The following MGMT variants were observed in gnomAD, a reference collection of about 807,000 sequenced individuals.
The protein encoded by MGMT is methylated-DNA--protein-cysteine methyltransferase.
Under a neutral mutation model 15.9 loss-of-function variants are expected in MGMT, and 14 were observed. The ratio of observed to expected loss-of-function variants is 0.88; its 90% CI spans 0.58 to 1.37. The LOEUF (loss-of-function observed/expected upper bound fraction) is 1.37. MGMT is among the 40% of genes most tolerant of loss of function. The pLI, the probability that MGMT is intolerant of heterozygous loss-of-function variation, is 0.00. For missense variants in MGMT, 282 were observed against 268.1 expected (o/e 1.05, Z -0.36); for synonymous variants, 130 against 118.2 (o/e 1.10, Z -0.65).
intron 3 of MGMT, among the ~76,000 whole-genome samples, chr10:129,709,768 C>T (rs1461596542): frequency 1.3e-5 from 2 of 152,164 alleles, no homozygotes; most frequent in Non-Finnish European, 2.9e-5. Flanking sequence ...CATATGGTGG[C>T]CCTGGCCATG....
intron 3 of MGMT, among the ~76,000 whole-genome samples, chr10:129,732,975 G>T (rs1848519258): frequency 6.6e-6 from 1 of 151,244 alleles, no homozygotes; most frequent in Admixed American, 6.6e-5. Flanking sequence ...CATTTGGGTT[G>T]GTTCCAAGTC....
intron 2 of MGMT, among the ~76,000 whole-genome samples, chr10:129,567,017 C>T (rs1004343109): frequency 1.3e-5 from 2 of 152,088 alleles, no homozygotes; most frequent in Admixed American, 6.6e-5. Context: ...CCGGAGTGTG[C>T]GTCTTGATGC....
At chr10:129,576,530 G>A (rs1483404929) in intron 2 of MGMT, among the ~76,000 whole-genome samples, 1 of 152,122 alleles carries the variant, frequency 6.6e-6, no homozygotes, top group Non-Finnish European at 1.5e-5. Context: ...TTGATGGGAC[G>A]TATCTCAAAA....
In MGMT at chr10:129,566,397, G is replaced by GTGGC. The variant is rs1181455433; in HGVS notation, c.125+30021_125+30024dup. ...TCCAAACCAAGCTGCCTTCTCTGAT[G>GTGGC]TGGCCTTAGTGCTCTGGGCGGATGT... On this transcript the variant is annotated intron_variant, in intron 2 of 4. Transcript: ENST00000651593. This position sits in a 1 kb window ranked among gnomAD's most constrained non-coding sequence, Gnocchi z 4.1. Among the ~76,000 whole-genome samples, 2 of 152,186 alleles carry GTGGC rather than the reference G, an allele frequency of 1.3e-5. No homozygotes were observed. The highest frequency in any genetic ancestry group is 2.9e-5 in the Non-Finnish European group (2 of 68,022).
chr10:129,478,657 T>C (rs933577511), intron 1 of MGMT, among the ~76,000 whole-genome samples: 2 of 152,236 alleles, frequency 1.3e-5, no homozygotes, highest in Non-Finnish European at 1.5e-5. Context: ...ATTCCTAAGC[T>C]CTGGCTATGC....
At chr10:129,747,478 T>C (rs1362439608) in intron 3 of MGMT, among the ~76,000 whole-genome samples, 1 of 152,200 alleles carries the variant, frequency 6.6e-6, no homozygotes, top group Non-Finnish European at 1.5e-5. Flanking sequence ...ATGATAGCTA[T>C]TGTTCGTTTT....
intron 2 of MGMT, among the ~76,000 whole-genome samples, chr10:129,627,032 C>T (rs1043270312): frequency 2.0e-5 from 3 of 152,162 alleles, no homozygotes; most frequent in Non-Finnish European, 2.9e-5. Flanking sequence ...GTGTCCCTCA[C>T]GCTGGCTTTC....
intron 2 of MGMT, among the ~76,000 whole-genome samples, chr10:129,681,503 T>A (rs918042893): frequency 1.3e-5 from 2 of 152,176 alleles, no homozygotes; most frequent in Non-Finnish European, 2.9e-5. Context: ...TCAATATTTT[T>A]AAAAAATTCT....
Position 129,619,059 on chromosome 10 carries a change from T to G in MGMT, c.125+82682T>G, listed in dbSNP as rs1847060991. Among the ~76,000 whole-genome samples, 4 of 152,332 alleles carry G rather than the reference T, an allele frequency of 2.6e-5. No homozygotes were observed. The South Asian group carries it at 8.3e-4, about 32-fold the overall frequency. ...TGGGGAAGTAAACATCCTCTGTTCC[T>G]AATCTTAGGGGTGAAGCACTCAGTA... On this transcript the variant is annotated intron_variant, in intron 2 of 4. Coordinates refer to ENST00000651593, the MANE Select transcript of MGMT (RefSeq NM_002412.5).
chr10:129,622,626 G>A (rs1307896331), intron 2 of MGMT, among the ~76,000 whole-genome samples: 2 of 152,188 alleles, frequency 1.3e-5, no homozygotes. Context: ...TTTATCTTTA[G>A]TGTCCAATAA....
chr10:129,759,931 C>T (rs975544107), intron 4 of MGMT, among the ~76,000 whole-genome samples: 3 of 152,188 alleles, frequency 2.0e-5, no homozygotes, highest in Non-Finnish European at 1.5e-5. Context: ...ACACGCACCT[C>T]GTGTCTCACC....
At chr10:129,635,248 G>A (rs1847252251) in intron 2 of MGMT, among the ~76,000 whole-genome samples, 1 of 152,186 alleles carries the variant, frequency 6.6e-6, no homozygotes, top group Non-Finnish European at 1.5e-5. Context: ...GAATATGTGA[G>A]GGTGACCTGT....
chr10:129,651,072 G>C (rs570293971), intron 2 of MGMT, among the ~76,000 whole-genome samples: 1 of 152,134 alleles, frequency 6.6e-6, no homozygotes, highest in Admixed American at 6.5e-5. Flanking sequence ...GCTGTACCCC[G>C]TACCTCTGTA....
In MGMT at chr10:129,536,331, G is replaced by A; in HGVS notation, c.79G>A (p.Gly27Ser). The stretch of plus-strand genomic sequence containing the variant: ...GCTGGAGCTGTCTGGTTGTGAGCAG[G>A]GTCTGCACGAAATAAAGCTCCTGGG... Reference protein sequence around the residue: ...GKLELSGCEQGLHEIKLLGKG... With the variant: ...GKLELSGCEQSLHEIKLLGKG... The change falls in exon 2 of 5, where the codon GGT (glycine) becomes AGT (serine). Residue 27 changes from glycine (G) to serine (S), a missense_variant. By Grantham distance (56) the Gly-to-Ser change is moderately conservative (BLOSUM62 0). Transcript: ENST00000651593. 2 of 1,613,988 alleles carry A rather than the reference G, an allele frequency of 1.2e-6. No homozygotes were observed. The highest frequency in any genetic ancestry group is 1.1e-5 in the South Asian group (1 of 91,054).
chr10:129,591,010 A>C (rs1052420932), intron 2 of MGMT, among the ~76,000 whole-genome samples: 1 of 152,204 alleles, frequency 6.6e-6, no homozygotes, highest in Non-Finnish European at 1.5e-5. Context: ...GTGTTTGGGA[A>C]TAAGCGATGA....
intron 2 of MGMT, among the ~76,000 whole-genome samples, chr10:129,680,687 C>T (rs1847841478): frequency 6.6e-6 from 1 of 152,248 alleles, no homozygotes; most frequent in Non-Finnish European, 1.5e-5. Context: ...CCTCCCGCTC[C>T]TTTAACCAGT....
At chr10:129,638,450 A>G (rs1013538699) in intron 2 of MGMT, among the ~76,000 whole-genome samples, 7 of 149,802 alleles carry the variant, frequency 4.7e-5, no homozygotes, top group African/African-American at 7.3e-5. Context: ...AAAAAAGAAA[A>G]AAAAAAGAAA....
At chr10:129,657,794 C>G (rs377692001) in intron 2 of MGMT, among the ~76,000 whole-genome samples, 1 of 151,504 alleles carries the variant, frequency 6.6e-6, no homozygotes, top group East Asian at 2.0e-4. Flanking sequence ...TCACACTGAC[C>G]CTTAGCAGTG....
intron 1 of MGMT, among the ~76,000 whole-genome samples, chr10:129,507,424 C>T (rs1161460402): frequency 6.6e-6 from 1 of 152,142 alleles, no homozygotes; most frequent in African/African-American, 2.4e-5. Context: ...GCACAGCTGT[C>T]CTACAGCATC....
Sources: gnomAD v4.1 joint callset for allele counts (sites outside exome capture counted in the v4.1 genomes callset) on GRCh38, gnomAD v4.1.1 for gene constraint, Gnocchi (gnomAD v3.1) non-coding constraint, MANE v1.5 for transcripts, NCBI Gene and HGNC (gene_info 2026-07-23, HGNC 2026-07-21) for gene names.